FRMD1: variants seen among roughly 807,000 people sequenced by gnomAD.
FRMD1 encodes the protein FERM domain-containing protein 1.
Under a neutral mutation model 54.9 loss-of-function variants are expected in FRMD1, and 51 were observed. That is an observed-to-expected ratio of 0.93 (90% CI 0.74 to 1.17). The LOEUF is 1.17. Ranked by LOEUF, FRMD1 falls within the 50% of genes most tolerant of loss-of-function variation. The pLI is 0.00. For missense variants in FRMD1, 729 were observed against 743.0 expected, an observed-to-expected ratio of 0.98 and a Z score of 0.22; for synonymous variants, 324 against 306.4, an observed-to-expected ratio of 1.06 and a Z score of -0.60.
rs1180216051 is a variant in FRMD1 at position 168,059,892 on chromosome 6, C to T, written c.1343-704G>A. On this transcript the variant is annotated intron_variant, in intron 9 of 10. Coordinates refer to ENST00000283309, the MANE Select transcript of FRMD1 (RefSeq NM_024919.6). This position sits in a 1 kb window ranked among gnomAD's most constrained non-coding sequence, Gnocchi z 4.4. ...GCCAGGTGGACACATGGTCCTAGAA[C>T]ACTCTGAATGGCTCTGTCTTCTCAC... Among the ~76,000 whole-genome samples the T allele has an allele frequency of 6.6e-6, 1 of 152,032 alleles. No individual in the cohort carries two copies. Among genetic ancestry groups the T allele is most frequent in the African/African-American group, 2.4e-5 (1 of 41,384 alleles).
upstream of FRMD1, among the ~76,000 whole-genome samples, chr6:168,082,848 G>T (rs932961733): frequency 3.3e-5 from 5 of 152,202 alleles, no homozygotes; most frequent in Non-Finnish European, 5.9e-5. Context: ...GCAGGGCCTG[G>T]GTTGGGGTGC....
upstream of FRMD1, among the ~76,000 whole-genome samples, chr6:168,080,440 A>G: frequency 2.5e-5 from 1 of 39,226 alleles, no homozygotes; most frequent in South Asian, 1.1e-3. Context: ...AAAGTTTTAA[A>G]AATGGCAAAA....
chr6:168,072,569 G>A (rs376101470), intron 2 of FRMD1, among the ~76,000 whole-genome samples: 9 of 152,170 alleles, frequency 5.9e-5, no homozygotes, highest in East Asian at 5.8e-4. Context: ...ACCAGAGCTC[G>A]CCCCCCAAAC....
At chr6:168,062,750 G>A (rs1278115520) in intron 7 of FRMD1, 144 bp downstream of exon 7, 1 of 1,573,124 alleles carries the variant, frequency 6.4e-7, no homozygotes, top group East Asian at 2.4e-5. Context: ...CTGCGGGACA[G>A]CAGAGGCAGG....
intron 2 of FRMD1, among the ~76,000 whole-genome samples, chr6:168,074,852 TGTG>T: frequency 6.7e-6 from 1 of 149,302 alleles, no homozygotes; most frequent in Non-Finnish European, 1.5e-5. Context: ...TGGGCATGTG[TGTG>T]GTTTGTGCAT....
Position 168,062,934 on chromosome 6 carries a change from A to C in FRMD1, c.830T>G (p.Val277Gly), listed in dbSNP as rs770407033. The change falls in exon 7 of 11, where the codon GTG (valine) becomes GGG (glycine). Residue 277 changes from valine to glycine, a missense_variant. Physicochemically the swap from Val to Gly is moderately radical, Grantham distance 109. Coordinates refer to ENST00000283309, the MANE Select transcript of FRMD1 (RefSeq NM_024919.6). Reference sequence around the variant, plus strand: ...TCCCCTGAGGGCCAGTCCCAGGATCACGGTGGGACGACCTTCCTTCTTATC... The same window carrying C: ...TCCCCTGAGGGCCAGTCCCAGGATCCCGGTGGGACGACCTTCCTTCTTATC... ...HKDKKEGRPT[V>G]ILGLALRGVH... The C allele has an allele frequency of 1.2e-6, 2 of 1,614,096 alleles. No homozygotes were observed. The highest frequency in any genetic ancestry group is 2.2e-5 in the East Asian group (1 of 44,876).
upstream of FRMD1, among the ~76,000 whole-genome samples, chr6:168,079,901 G>A (rs778172016): frequency 9.2e-5 from 14 of 152,192 alleles, no homozygotes; most frequent in Non-Finnish European, 2.1e-4. Flanking sequence ...GAGCTCTTTG[G>A]CACAGTGTTA....
At chr6:168,090,429 C>A (rs1487045117) in intron 1 of FRMD1, among the ~76,000 whole-genome samples, 1 of 152,176 alleles carries the variant, frequency 6.6e-6, no homozygotes, top group Non-Finnish European at 1.5e-5. Context: ...CTGTAGCCAC[C>A]CTAGCCCCTT....
Position 168,059,195 on chromosome 6 carries a change from G to A in FRMD1, c.1343-7C>T. 1.3e-6 allele frequency: 2 copies of A among 1,580,636 alleles called. No individual in the cohort carries two copies. The highest frequency in any genetic ancestry group is 1.7e-6 in the Non-Finnish European group (2 of 1,166,704). On this transcript the variant is annotated splice_region_variant and splice_polypyrimidine_tract_variant and intron_variant, in intron 9 of 10. Transcript: ENST00000283309. This position sits in a 1 kb window ranked among gnomAD's most constrained non-coding sequence, Gnocchi z 4.4. ...CAGGGCTCCTGACGAGTGGCTGTGG[G>A]AGGAGGCAGCCGTGAGCACAGGTGT...
Position 168,088,263 on chromosome 6 carries a change from G to A in FRMD1, c.-11-9239C>T, listed in dbSNP as rs140808286. Among the ~76,000 whole-genome samples, 813 of 152,348 alleles carry A rather than the reference G, an allele frequency of 5.3e-3. 11 individuals carry two copies. The highest frequency in any genetic ancestry group is 0.018 in the African/African-American group (769 of 41,584). The stretch of plus-strand genomic sequence containing the variant: ...AGACTGCAGCCACCACCCTCCCGCC[G>A]TCACCTGCCCCTGCTGGGAGGCAGA... On this transcript the variant is annotated intron_variant, in intron 1 of 12. Transcript: ENST00000644440.
rs1799596753 is a variant in FRMD1, at chr6:168,059,338, G to A, written c.1343-150C>T. The A allele has an allele frequency of 7.7e-6, 5 of 646,150 alleles. No homozygotes were observed. The East Asian group carries it at 1.4e-4, about 18-fold the overall frequency. The allele number at this position is 646,150 out of a possible 1,614,324, so 40.0% of individuals were successfully genotyped here. On this transcript the variant is annotated intron_variant, in intron 9 of 10. Transcript: ENST00000283309. The surrounding 1 kb of genome is among the most constrained non-coding windows in gnomAD (Gnocchi z 4.4). ...CCCCCTTGCTCTCAGTGCGGTGACT[G>A]CTTTTGCTCCATTCCCCGACATCTG...
rs1270629204 is a variant in FRMD1, at chr6:168,059,020, C to T, written c.1407+104G>A. 8 of 858,674 alleles carry T rather than the reference C, an allele frequency of 9.3e-6. No individual in the cohort carries two copies. The highest frequency in any genetic ancestry group is 1.7e-5 in the African/African-American group (1 of 59,444). The allele number at this position is 858,674 out of a possible 1,614,324, so 53.2% of individuals were successfully genotyped here. On this transcript the variant is annotated intron_variant, in intron 10 of 10. Coordinates refer to ENST00000283309, the MANE Select transcript of FRMD1 (RefSeq NM_024919.6). The surrounding 1 kb of genome is among the most constrained non-coding windows in gnomAD (Gnocchi z 4.4). ...TCTCTGGGGATGTCAGTCGAGGGAC[C>T]CTCTGATAGGCCTAGGAAGGTCCCC...
chr6:168,091,568 G>A (rs1562437758), intron 1 of FRMD1, among the ~76,000 whole-genome samples: 1 of 152,224 alleles, frequency 6.6e-6, no homozygotes, highest in African/African-American at 2.4e-5. Context: ...CTCTGGAGCC[G>A]GTGGGCGGAT....
chr6:168,065,585 G>A, intron 4 of FRMD1: 1 of 986,922 alleles, frequency 1.0e-6, no homozygotes, highest in Non-Finnish European at 1.2e-6. Flanking sequence ...CATAGCACCA[G>A]GTAGCTCCAT....
At chr6:168,073,773 GC>G (rs1253838602) in intron 2 of FRMD1, among the ~76,000 whole-genome samples, 1 of 152,108 alleles carries the variant, frequency 6.6e-6, no homozygotes, top group African/African-American at 2.4e-5. Context: ...TCCCTTCACA[GC>G]CCCTGACAAG....
chr6:168,064,075 A>G (rs3823461), intron 5 of FRMD1, among the ~76,000 whole-genome samples: 135,170 of 152,292 alleles, frequency 0.89, 60,011 homozygotes, highest in South Asian at 0.9. Context: ...AGTGAGGACC[A>G]GCTGGGGCCA....
chr6:168,066,092 G>A lies in FRMD1; in HGVS notation c.461+663C>T, dbSNP rs145048170. ...ACCTGCAGAGTGGGCAGTGAACAGC[G>A]AGAACCGCCACGCAGCAAGCATAGC... is the stretch of plus-strand genomic sequence containing the variant. On this transcript the variant is annotated intron_variant, in intron 4 of 10. Coordinates refer to ENST00000283309, the MANE Select transcript of FRMD1 (RefSeq NM_024919.6). 8,077 of 996,292 alleles carry A rather than the reference G, an allele frequency of 8.1e-3. 100 individuals are homozygous for A. Among genetic ancestry groups the A allele is most frequent in the Admixed American group, 0.053 (860 of 16,296 alleles). 61.7% of individuals were successfully genotyped at this position (996,292 alleles called of 1,614,324 possible). A position where few individuals can be genotyped will look rare whatever the true frequency, so the allele number is the denominator to read the frequency against.
chr6:168,072,613 G>C (rs893876678), intron 2 of FRMD1, among the ~76,000 whole-genome samples: 1 of 152,240 alleles, frequency 6.6e-6, no homozygotes, highest in South Asian at 2.1e-4. Context: ...AACGTCCGGC[G>C]GTGATGAACA....
At chr6:168,071,334 T>C (rs976182179) in intron 2 of FRMD1, among the ~76,000 whole-genome samples, 1 of 152,156 alleles carries the variant, frequency 6.6e-6, no homozygotes, top group African/African-American at 2.4e-5. Flanking sequence ...ATTTACAACT[T>C]AAGAGATAAT....
Sources: allele counts gnomAD v4.1 joint callset (sites outside exome capture counted in the v4.1 genomes callset), GRCh38; gene constraint gnomAD v4.1.1; non-coding constraint Gnocchi (gnomAD v3.1); transcripts MANE v1.5; gene names NCBI Gene and HGNC (gene_info 2026-07-23, HGNC 2026-07-21).